ATOX1: variants seen among roughly 807,000 people sequenced by gnomAD.
The protein encoded by ATOX1 is copper transport protein ATOX1.
ATOX1 carries 4 observed loss-of-function variants against 7.3 expected under a neutral mutation model. The observed-to-expected ratio is 0.55, with a 90% CI of 0.27 to 1.25. ATOX1 has a LOEUF of 1.25. ATOX1 is among the 50% of genes most tolerant of loss of function. The pLI, the probability that ATOX1 is intolerant of heterozygous loss-of-function variation, is 0.12. For missense variants in ATOX1, 68 were observed against 81.6 expected (o/e 0.83, Z 0.64); for synonymous variants, 25 against 28.7 (o/e 0.87, Z 0.41).
At chr5:151,757,706 G>A (rs369392936) in intron 1 of ATOX1, among the ~76,000 whole-genome samples, 1 of 152,240 alleles carries the variant, frequency 6.6e-6, no homozygotes, top group Non-Finnish European at 1.5e-5. Flanking sequence ...GACTGCTTTT[G>A]CCTGGCACCT....
intron 1 of ATOX1, 136 bp from the exon 2 acceptor site, chr5:151,751,915 G>A (rs75682555): frequency 0.02 from 15,335 of 763,508 alleles, 312 homozygotes; most frequent in South Asian, 0.073. Context: ...AGACTCATCA[G>A]AAGCCTGTTT....
intron 1 of ATOX1, among the ~76,000 whole-genome samples, chr5:151,754,419 G>C (rs1235307828): frequency 6.6e-6 from 1 of 152,044 alleles, no homozygotes; most frequent in Non-Finnish European, 1.5e-5. Context: ...GACCAGTCTG[G>C]CCAACATGGC....
intron 1 of ATOX1, chr5:151,752,232 T>C (rs1311680094): frequency 7.1e-6 from 5 of 702,394 alleles, no homozygotes; most frequent in Non-Finnish European, 1.3e-5. Flanking sequence ...ACCTACAGCT[T>C]GCAAAAACTA....
In ATOX1 at chr5:151,751,737, C is replaced by T. The variant is rs1433631827; in HGVS notation, c.49G>A (p.Glu17Lys). ...SVDMTCGGCA[E>K]AVSRVLNKLG... Reference sequence around the variant, plus strand: ...TTATTGAGGACCCGAGAGACAGCTTCAGCACAGCCTCCACAGGTCATGTCC... The same window carrying T: ...TTATTGAGGACCCGAGAGACAGCTTTAGCACAGCCTCCACAGGTCATGTCC... The change falls in exon 2 of 4, where the codon GAA (glutamate) becomes AAA (lysine). Residue 17 changes from glutamate to lysine, a missense_variant. Transcript: ENST00000313115. The T allele has an allele frequency of 6.2e-7, 1 of 1,609,756 alleles. No homozygotes were observed. The highest frequency in any genetic ancestry group is 1.7e-5 in the Admixed American group (1 of 59,494).
At chr5:151,751,609 A>T in intron 2 of ATOX1, 95 bp downstream of exon 2, 1 of 1,295,440 alleles carries the variant, frequency 7.7e-7, no homozygotes, top group Non-Finnish European at 1.1e-6. Context: ...TTTTAGTTTT[A>T]CTGTTATGAT....
intron 1 of ATOX1, among the ~76,000 whole-genome samples, chr5:151,753,374 AATAG>A (rs1212311812): frequency 2.0e-5 from 3 of 152,236 alleles, no homozygotes; most frequent in Non-Finnish European, 4.4e-5. Context: ...ACTAAGGAGC[AATAG>A]ATAACTAACA....
chr5:151,749,112 C>CA (rs1249898988), intron 2 of ATOX1, among the ~76,000 whole-genome samples: 2 of 152,062 alleles, frequency 1.3e-5, no homozygotes, highest in Non-Finnish European at 1.5e-5. Context: ...TTTGAGCTGT[C>CA]AAACGAAATT....
At chr5:151,750,535 T>C (rs1419363351) in intron 2 of ATOX1, among the ~76,000 whole-genome samples, 1 of 143,708 alleles carries the variant, frequency 7.0e-6, no homozygotes, top group Non-Finnish European at 1.5e-5. Flanking sequence ...AAAATCTGCA[T>C]GTGAGTGATT....
chr5:151,749,605 A>G (rs1454693176), intron 2 of ATOX1, among the ~76,000 whole-genome samples: 1 of 150,794 alleles, frequency 6.6e-6, no homozygotes, highest in Non-Finnish European at 1.5e-5. Flanking sequence ...TGCAGTGAGC[A>G]GAGATCATGC....
intron 2 of ATOX1, among the ~76,000 whole-genome samples, chr5:151,750,287 G>A (rs1350171717): frequency 6.6e-6 from 1 of 152,168 alleles, no homozygotes; most frequent in East Asian, 1.9e-4. Flanking sequence ...GCCAGGTGCG[G>A]TGGCTCATGC....
At chr5:151,750,114 G>A (rs1408874646) in intron 2 of ATOX1, among the ~76,000 whole-genome samples, 1 of 152,220 alleles carries the variant, frequency 6.6e-6, no homozygotes, top group Admixed American at 6.5e-5. Flanking sequence ...GGCTGACTGA[G>A]CACTGGCATT....
At chr5:151,746,703 A>G (rs924584755) in intron 2 of ATOX1, 9 of 387,944 alleles carry the variant, frequency 2.3e-5, no homozygotes, top group African/African-American at 1.7e-4. Context: ...ACAGGCTGTG[A>G]GCAGGATTTG....
At position 151,754,721 on chromosome 5, in the gene ATOX1, A is replaced by T. The variant is rs558454229; in HGVS notation, c.7-2942T>A. On this transcript the variant is annotated intron_variant, in intron 1 of 3. Transcript: ENST00000313115. ...CAAATCGGGCCAGGTGTGGTGGCTC[A>T]TGCCTGTAATCCCAGCATTTTTGGG... Among the ~76,000 whole-genome samples, 13 of 152,166 alleles carry T rather than the reference A, an allele frequency of 8.5e-5. No homozygotes were observed. In the East Asian group the frequency reaches 2.3e-3, roughly 27 times the overall value.
At chr5:151,752,563 G>A (rs1247618634) in intron 1 of ATOX1, 1 of 528,980 alleles carries the variant, frequency 1.9e-6, no homozygotes, top group Non-Finnish European at 3.3e-6. Context: ...GGACAGAGTA[G>A]GTGCTTAAAA....
chr5:151,756,413 T>TTTCTC (rs940620591), intron 1 of ATOX1, among the ~76,000 whole-genome samples: 12 of 151,660 alleles, frequency 7.9e-5, no homozygotes, highest in South Asian at 4.2e-4. Flanking sequence ...TGCCTATAGT[T>TTTCTC]TTCTCTTCTC....
chr5:151,754,162 A>T (rs939599869), intron 1 of ATOX1: 1 of 152,236 alleles, frequency 6.6e-6, no homozygotes, highest in Admixed American at 6.5e-5. Flanking sequence ...TGTGGTCCTC[A>T]GCCCAACAAT....
At chr5:151,749,324 A>G (rs1761914725) in intron 2 of ATOX1, among the ~76,000 whole-genome samples, 1 of 152,078 alleles carries the variant, frequency 6.6e-6, no homozygotes, top group African/African-American at 2.4e-5. Flanking sequence ...CGTCTCTACT[A>G]AAAATACAAA....
At chr5:151,756,177 T>C (rs1240599325) in intron 1 of ATOX1, among the ~76,000 whole-genome samples, 3 of 152,014 alleles carry the variant, frequency 2.0e-5, no homozygotes, top group Non-Finnish European at 4.4e-5. Flanking sequence ...GTCCTGACTT[T>C]GTGATCTGCC....
intron 2 of ATOX1, among the ~76,000 whole-genome samples, chr5:151,747,039 T>C (rs1170708419): frequency 6.6e-6 from 1 of 151,780 alleles, no homozygotes; most frequent in Non-Finnish European, 1.5e-5. Flanking sequence ...CAGCCACCTT[T>C]TTTTTTTAAT....
Sources: allele counts gnomAD v4.1 joint callset (sites outside exome capture counted in the v4.1 genomes callset), GRCh38; gene constraint gnomAD v4.1.1; transcripts MANE v1.5; gene names NCBI Gene and HGNC (gene_info 2026-07-23, HGNC 2026-07-21).